The following PAX5 variants were observed in gnomAD, a reference collection of about 807,000 sequenced individuals.
The protein encoded by PAX5 is paired box protein Pax-5.
PAX5 carries 9 observed loss-of-function variants against 43.7 expected under a neutral mutation model. That is an observed-to-expected ratio of 0.21 (90% confidence interval 0.12 to 0.36). The LOEUF (loss-of-function observed/expected upper bound fraction) is 0.36, where lower values mean the gene tolerates loss of function less well. Among genes scored for constraint, PAX5 ranks in the 10% least tolerant of loss-of-function variants. The probability of loss-of-function intolerance (pLI) is 1.00; values close to 1 mark genes in which losing one functional copy is unlikely to be tolerated. For synonymous variants in PAX5, 228 were observed against 214.3 expected (o/e 1.06, Z -0.56); for missense variants, 383 against 532.7 (o/e 0.72, Z 2.77).
intron 5 of PAX5, among the ~76,000 whole-genome samples, chr9:36,974,623 C>T (rs7857710): frequency 0.11 from 17,152 of 152,090 alleles, 1,096 homozygotes; most frequent in African/African-American, 0.16. Flanking sequence ...AAGATGAAAG[C>T]CCTCAGTTTC....
At chr9:36,898,331 C>T (rs1828050384) in intron 7 of PAX5, among the ~76,000 whole-genome samples, 1 of 152,172 alleles carries the variant, frequency 6.6e-6, no homozygotes, top group Non-Finnish European at 1.5e-5. Context: ...GTTTTCTTGT[C>T]TACAAATTGG....
At chr9:36,841,448 C>T (rs1822041299) in intron 9 of PAX5, among the ~76,000 whole-genome samples, 2 of 152,274 alleles carry the variant, frequency 1.3e-5, no homozygotes, top group South Asian at 2.1e-4. Flanking sequence ...TTCTATGCCT[C>T]TTTCAAATCT....
chr9:36,997,045 A>G (rs991037045), intron 5 of PAX5, among the ~76,000 whole-genome samples: 1 of 152,202 alleles, frequency 6.6e-6, no homozygotes, highest in Non-Finnish European at 1.5e-5. Flanking sequence ...CCCCAAAGAC[A>G]TGGGGAGAGA....
At chr9:37,021,821 G>A (rs1839882031) in intron 1 of PAX5, among the ~76,000 whole-genome samples, 2 of 152,320 alleles carry the variant, frequency 1.3e-5, no homozygotes, top group South Asian at 4.1e-4. Flanking sequence ...CGTTGCTGAA[G>A]ACTGGAGCCC....
intron 3 of PAX5, among the ~76,000 whole-genome samples, chr9:37,011,190 A>G (rs574969742): frequency 2.0e-5 from 3 of 152,300 alleles, no homozygotes; most frequent in African/African-American, 7.2e-5. Flanking sequence ...CCTGCTACCA[A>G]AATTAGAATT....
At chr9:36,925,957 C>G (rs1830609960) in intron 6 of PAX5, among the ~76,000 whole-genome samples, 1 of 152,220 alleles carries the variant, frequency 6.6e-6, no homozygotes, top group South Asian at 2.1e-4. Context: ...ATAACAACCA[C>G]AGTCTTCACA....
chr9:36,968,968 T>C (rs1008430971), intron 5 of PAX5, among the ~76,000 whole-genome samples: 2 of 151,898 alleles, frequency 1.3e-5, no homozygotes, highest in Admixed American at 6.6e-5. Flanking sequence ...GATGGCTCAG[T>C]TTTTCCTACT....
At chr9:36,999,506 A>G (rs938756995) in intron 5 of PAX5, among the ~76,000 whole-genome samples, 1 of 152,228 alleles carries the variant, frequency 6.6e-6, no homozygotes, top group Non-Finnish European at 1.5e-5. Flanking sequence ...GGGTGGCCCC[A>G]GGAAATGCCC....
chr9:36,988,366 T>C (rs1204497222), intron 5 of PAX5, among the ~76,000 whole-genome samples: 1 of 152,028 alleles, frequency 6.6e-6, no homozygotes, highest in African/African-American at 2.4e-5. Context: ...AACTTAGTAA[T>C]ATAAATAAAA....
chr9:36,882,087 G>T lies in PAX5; in HGVS notation c.929C>A (p.Thr310Lys). The T allele has an allele frequency of 6.3e-7, 1 of 1,599,078 alleles. No individual in the cohort carries two copies. Among genetic ancestry groups the T allele is most frequent in the South Asian group, 1.1e-5 (1 of 89,730 alleles). ...GTGTGGAGGGTACCCGGGGAGGGTC[G>T]TGCTCGCCAAGTCACGGCCTGAGGA... Reference protein sequence around the residue: ...PIVTGRDLASTTLPGYPPHVP... With the variant: ...PIVTGRDLASKTLPGYPPHVP... Residue 310 changes from threonine (T) to lysine (K), a missense_variant, in exon 8 of 10, where the codon ACG becomes AAG. Physicochemically the swap from Thr to Lys is moderately conservative, Grantham distance 78 (BLOSUM62 -1). Around this residue, in one of 5 missense-constraint regions of PAX5, gnomAD observed 291 missense variants for 342.5 expected, o/e 0.85. Coordinates refer to ENST00000358127, the MANE Select transcript of PAX5 (RefSeq NM_016734.3). This position sits in a 1 kb window ranked among gnomAD's most constrained non-coding sequence, Gnocchi z 4.4.
chr9:36,893,041 T>G (rs1827538126), intron 7 of PAX5, among the ~76,000 whole-genome samples: 1 of 152,228 alleles, frequency 6.6e-6, no homozygotes, highest in Admixed American at 6.5e-5. Flanking sequence ...ATTTTTCATT[T>G]TCTATTTTTC....
At chr9:36,966,307 C>A (rs891983019) in intron 6 of PAX5, among the ~76,000 whole-genome samples, 1 of 152,232 alleles carries the variant, frequency 6.6e-6, no homozygotes, top group Non-Finnish European at 1.5e-5. Flanking sequence ...AGAAGTCACC[C>A]ACCCCCTGGC....
At chr9:36,964,883 A>G (rs537827090) in intron 6 of PAX5, among the ~76,000 whole-genome samples, 11 of 152,250 alleles carry the variant, frequency 7.2e-5, no homozygotes, top group Non-Finnish European at 1.3e-4. Flanking sequence ...TGTAAGAGAA[A>G]GACTAAAATC....
chr9:37,033,289 CG>C (rs1329174060), intron 1 of PAX5, among the ~76,000 whole-genome samples: 2 of 152,208 alleles, frequency 1.3e-5, no homozygotes, highest in African/African-American at 2.4e-5. Context: ...CTAAACACCA[CG>C]GATCTCCATA....
chr9:36,933,770 T>C (rs1831320274), intron 6 of PAX5, among the ~76,000 whole-genome samples: 1 of 152,228 alleles, frequency 6.6e-6, no homozygotes, highest in South Asian at 2.1e-4. Context: ...GGAGTAGTTC[T>C]GCCTTGATTA....
At chr9:36,886,270 A>T (rs1051629789) in intron 7 of PAX5, among the ~76,000 whole-genome samples, 2 of 152,238 alleles carry the variant, frequency 1.3e-5, no homozygotes, top group Admixed American at 6.5e-5. Context: ...TTGCTGATTG[A>T]CAAAGATTTA....
chr9:36,951,311 AG>A (rs1161358531), intron 6 of PAX5, among the ~76,000 whole-genome samples: 1 of 152,224 alleles, frequency 6.6e-6, no homozygotes, highest in Non-Finnish European at 1.5e-5. Flanking sequence ...TTCATTAACA[AG>A]AGGGGCATTT....
At chr9:36,870,932 C>T (rs1825428534) in intron 8 of PAX5, among the ~76,000 whole-genome samples, 1 of 152,222 alleles carries the variant, frequency 6.6e-6, no homozygotes, top group African/African-American at 2.4e-5. Context: ...CATAGGGTGC[C>T]CTCAGGGCAG....
chr9:36,971,412 G>T (rs574885523), intron 5 of PAX5, among the ~76,000 whole-genome samples: 1 of 152,238 alleles, frequency 6.6e-6, no homozygotes, highest in African/African-American at 2.4e-5. Context: ...CAGGCCTCCA[G>T]TGTAAGCTTC....
Sources: gnomAD v4.1 joint callset for allele counts (sites outside exome capture counted in the v4.1 genomes callset) on GRCh38, gnomAD v4.1.1 for gene constraint, gnomAD v4.1.1 regional missense constraint, Gnocchi (gnomAD v3.1) non-coding constraint, MANE v1.5 for transcripts, NCBI Gene and HGNC (gene_info 2026-07-23, HGNC 2026-07-21) for gene names.